The following LRRC56 variants were observed in gnomAD, a reference collection of about 807,000 sequenced individuals.
LRRC56 encodes the protein leucine-rich repeat-containing protein 56.
In LRRC56, 41 loss-of-function variants were observed where a neutral mutation model predicts 47.8. The observed-to-expected ratio is 0.86, with a 90% CI of 0.67 to 1.11. LRRC56 has a LOEUF of 1.11. LRRC56 is among the 50% of genes most tolerant of loss of function. The pLI is 0.00. For synonymous variants in LRRC56, 387 were observed against 311.2 expected (o/e 1.24, Z -2.56); for missense variants, 759 against 704.2 (o/e 1.08, Z -0.88).
chr11:525,769 G>A, the LRRC56 span, among the ~76,000 whole-genome samples: 1 of 151,964 alleles, frequency 6.6e-6, no homozygotes, highest in South Asian at 2.1e-4. Flanking sequence ...GCATGCTGGT[G>A]CACGCCTGTA....
intron 1 of LRRC56, among the ~76,000 whole-genome samples, 151 bp downstream of exon 1, chr11:537,756 C>T (rs1211907323): frequency 6.6e-6 from 1 of 152,206 alleles, no homozygotes; most frequent in Non-Finnish European, 1.5e-5. Flanking sequence ...GATCTGGTCC[C>T]CTGAGGACCC....
intron 9 of LRRC56, 138 bp downstream of exon 9, chr11:551,440 G>A: frequency 3.8e-6 from 3 of 793,498 alleles, no homozygotes; most frequent in Non-Finnish European, 5.9e-6. Flanking sequence ...CCAGAGCTGT[G>A]CACACCCGGC....
At chr11:533,501 G>GGCGAGGTCTT (rs780297433), upstream of LRRC56, 1 of 1,613,646 alleles carries the variant, frequency 6.2e-7, no homozygotes, top group Non-Finnish European at 8.5e-7. Flanking sequence ...CGTAGCTTCG[G>GGCGAGGTCTT]GCGAGGTCCT....
chr11:519,047 C>T, the LRRC56 span, among the ~76,000 whole-genome samples: 9 of 152,258 alleles, frequency 5.9e-5, no homozygotes, highest in South Asian at 2.1e-4. Context: ...AGGGCAGCTC[C>T]CGTGTGTCCG....
upstream of LRRC56, chr11:533,179 C>G (rs1851211801): frequency 8.7e-7 from 1 of 1,145,800 alleles, no homozygotes. Context: ...CCAAGGACCT[C>G]CGCCTTCCCC....
chr11:550,242 C>T lies in LRRC56; in HGVS notation c.594C>T (p.Cys198=). The change falls in exon 8 of 14, where the codon TGC becomes TGT. Residue 198 remains cysteine, a synonymous_variant. Coordinates refer to ENST00000270115, the MANE Select transcript of LRRC56 (RefSeq NM_198075.4). ...TCACCCTGGAGGGCAACCTGGTGTG[C>T]CTACAGCCGGCCCCTGGCCCCACCA... ...AMLTLEGNLV[C]LQPAPGPTNK... The T allele has an allele frequency of 6.2e-7, 1 of 1,608,248 alleles. No homozygotes were observed. Among genetic ancestry groups the T allele is most frequent in the African/African-American group, 1.3e-5 (1 of 75,004 alleles).
chr11:534,101 AGGGCCACAGCACCATGCAGGGGACCAG>A, upstream of LRRC56: 1 of 1,164,684 alleles, frequency 8.6e-7, no homozygotes, highest in African/African-American at 1.5e-5. Context: ...AGCAGGAGAC[AGGGCCACAGCACCATGCAGGGGACCAG>A]GGGCTGCAGC....
At chr11:536,069 C>G (rs979015829), upstream of LRRC56, among the ~76,000 whole-genome samples, 1 of 152,216 alleles carries the variant, frequency 6.6e-6, no homozygotes, top group Non-Finnish European at 1.5e-5. Flanking sequence ...TGCCCTTCCG[C>G]GCAGGTGGAG....
chr11:533,431 G>C, upstream of LRRC56: 4 of 1,611,922 alleles, frequency 2.5e-6, no homozygotes, highest in Non-Finnish European at 3.4e-6. Context: ...CTGGCTAGCT[G>C]TGGGGTGGAG....
At chr11:523,640 C>T in the LRRC56 span, among the ~76,000 whole-genome samples, 33 of 122,422 alleles carry the variant, frequency 2.7e-4, no homozygotes, top group African/African-American at 9.1e-4. Context: ...AAAAAAAAGC[C>T]GGGGTTGGGG....
chr11:532,874 T>A, upstream of LRRC56: 1 of 981,776 alleles, frequency 1.0e-6, no homozygotes, highest in Non-Finnish European at 1.6e-6. Context: ...CACCAGCCAC[T>A]TCCCCAGGCC....
chr11:514,858 G>A, the LRRC56 span, among the ~76,000 whole-genome samples: 1 of 152,138 alleles, frequency 6.6e-6, no homozygotes, highest in South Asian at 2.1e-4. Flanking sequence ...AGGCCCGCCT[G>A]TGCTAACTTC....
chr11:532,619 A>C (rs1851171104), upstream of LRRC56: 8 of 1,607,464 alleles, frequency 5.0e-6, no homozygotes, highest in Non-Finnish European at 6.8e-6. Flanking sequence ...CCGCCCTGGG[A>C]GTCCCCCTCA....
At chr11:506,688 G>C in the LRRC56 span, 1 of 152,364 alleles carries the variant, frequency 6.6e-6, no homozygotes, top group South Asian at 2.1e-4. Flanking sequence ...CGCTTCTTTG[G>C]GGGAATAAGG....
At position 554,255 on chromosome 11, in the gene LRRC56, C is replaced by T. The variant is rs762299122; in HGVS notation, c.1608C>T (p.His536=). ...CTCCCAGGGCAGCTGAACTCTCTCA[C>T]CCCAGCCCCGTCCCCACTTAATATA... ...ARPPRAAELS[H]PSPVPT The change falls in exon 14 of 14, where the codon CAC becomes CAT. Residue 536 remains histidine, a synonymous_variant. Transcript: ENST00000270115. 1.3e-6 allele frequency: 2 copies of T among 1,497,678 alleles called. No homozygotes were observed. The highest frequency in any genetic ancestry group is 1.4e-5 in the African/African-American group (1 of 71,478). The allele number at this position is 1,497,678 out of a possible 1,614,324, so 92.8% of individuals were successfully genotyped here. A position where few individuals can be genotyped will look rare whatever the true frequency, so the allele number is the denominator to read the frequency against.
chr11:511,365 A>G, the LRRC56 span, among the ~76,000 whole-genome samples: 2 of 151,732 alleles, frequency 1.3e-5, no homozygotes, highest in Non-Finnish European at 2.9e-5. Flanking sequence ...AGGATGAAGT[A>G]GCAAATATTT....
chr11:526,241 T>C, the LRRC56 span, among the ~76,000 whole-genome samples: 7 of 152,212 alleles, frequency 4.6e-5, no homozygotes. Context: ...AAAAATAAGA[T>C]GAAGACTTGA....
At chr11:535,284 ACCCACCCGCCGCCGCCGCCGCCGCCG>A (rs1192437484), upstream of LRRC56, 1 of 67,706 alleles carries the variant, frequency 1.5e-5, no homozygotes, top group East Asian at 3.4e-4. Context: ...GCCCGGCCCC[ACCCACCCGCCGCCGCCGCCGCCGCCG>A]CCGCTTACGC....
chr11:546,567 C>CAA (rs34365475), intron 6 of LRRC56, among the ~76,000 whole-genome samples: 2 of 138,418 alleles, frequency 1.4e-5, no homozygotes, highest in South Asian at 2.3e-4. Flanking sequence ...GACTTCGTCT[C>CAA]AAAAAAAAAA....
Sources: gnomAD v4.1 joint callset for allele counts (sites outside exome capture counted in the v4.1 genomes callset) on GRCh38, gnomAD v4.1.1 for gene constraint, MANE v1.5 for transcripts, NCBI Gene and HGNC (gene_info 2026-07-23, HGNC 2026-07-21) for gene names.